The following TXNL4A variants were observed in gnomAD, a reference collection of about 807,000 sequenced individuals.
TXNL4A encodes thioredoxin-like protein 4A.
In TXNL4A, 17 loss-of-function variants were observed where a neutral mutation model predicts 14.6. That is an observed-to-expected ratio of 1.16 (90% CI 0.80 to 1.74). The LOEUF is 1.74. Ranked by LOEUF, TXNL4A falls within the 40% of genes most tolerant of loss-of-function variation. The pLI is 0.00. For synonymous variants in TXNL4A, 83 were observed against 70.6 expected, an observed-to-expected ratio of 1.18 and a Z score of -0.88; for missense variants, 74 against 195.2, an observed-to-expected ratio of 0.38 and a Z score of 3.70.
At chr18:80,012,226 T>A (rs2051774783) in intron 1 of TXNL4A, among the ~76,000 whole-genome samples, 1 of 152,224 alleles carries the variant, frequency 6.6e-6, no homozygotes, top group African/African-American at 2.4e-5. Flanking sequence ...GGCTACTGCA[T>A]GTCCTATTCC....
intron 1 of TXNL4A, among the ~76,000 whole-genome samples, chr18:79,984,697 C>G (rs556651558): frequency 6.6e-6 from 1 of 152,316 alleles, no homozygotes; most frequent in Admixed American, 6.5e-5. Flanking sequence ...CTTACTGCAG[C>G]CTTGACCTCC....
At chr18:79,996,436 C>G (rs2051662955) in intron 1 of TXNL4A, among the ~76,000 whole-genome samples, 1 of 152,134 alleles carries the variant, frequency 6.6e-6, no homozygotes, top group African/African-American at 2.4e-5. Context: ...AAGTCTAAAC[C>G]TAAACCTTAA....
rs747559896 is a variant in TXNL4A at position 79,973,643 on chromosome 18, A to G, written c.*42T>C. ...AAATAGCTTAAAACGTTTCCATACA[A>G]AAAGGGCTCCACGACATTTATCCGC... On this transcript the variant is annotated 3_prime_UTR_variant, in exon 3 of 3. Coordinates refer to ENST00000269601, the MANE Select transcript of TXNL4A (RefSeq NM_006701.5). 3 of 1,569,776 alleles carry G rather than the reference A, an allele frequency of 1.9e-6. No individual in the cohort carries two copies. The highest frequency in any genetic ancestry group is 2.3e-5 in the East Asian group (1 of 44,394).
chr18:80,014,420 C>T (rs762443778), intron 1 of TXNL4A, among the ~76,000 whole-genome samples: 1 of 152,124 alleles, frequency 6.6e-6, no homozygotes, highest in Non-Finnish European at 1.5e-5. Context: ...CTGGCCAAAA[C>T]AAAGGGGTTA....
intron 2 of TXNL4A, chr18:79,976,781 A>G (rs2051385937): frequency 2.2e-6 from 1 of 456,326 alleles, no homozygotes; most frequent in Non-Finnish European, 4.4e-6. Context: ...ACCAACCTCT[A>G]TGGTAACTAA....
intron 1 of TXNL4A, among the ~76,000 whole-genome samples, chr18:79,997,513 G>C (rs2051671084): frequency 6.6e-6 from 1 of 152,028 alleles, no homozygotes; most frequent in African/African-American, 2.4e-5. Flanking sequence ...ACTATACCCA[G>C]TACCAGCTAG....
At chr18:80,023,431 G>A (rs759801391) in intron 1 of TXNL4A, among the ~76,000 whole-genome samples, 14 of 152,264 alleles carry the variant, frequency 9.2e-5, no homozygotes, top group Non-Finnish European at 1.6e-4. Flanking sequence ...CAAACGTTAC[G>A]TAAAAACTCT....
At chr18:80,012,829 A>C (rs544175455) in intron 1 of TXNL4A, among the ~76,000 whole-genome samples, 1 of 152,018 alleles carries the variant, frequency 6.6e-6, no homozygotes, top group Admixed American at 6.6e-5. Flanking sequence ...ACTTCCATTA[A>C]ATTTTTTTTT....
At chr18:79,976,910 G>T (rs765514498) in intron 2 of TXNL4A, 8 of 368,812 alleles carry the variant, frequency 2.2e-5, no homozygotes, top group Non-Finnish European at 4.3e-5. Flanking sequence ...GTTCCTCTTG[G>T]ATATAAAAAA....
upstream of TXNL4A, among the ~76,000 whole-genome samples, chr18:79,989,439 A>G (rs1356145211): frequency 6.6e-6 from 1 of 152,182 alleles, no homozygotes; most frequent in Admixed American, 6.5e-5. Flanking sequence ...TAGCTTCAGC[A>G]TAACTTCCAC....
At chr18:79,995,305 G>A (rs2051653657) in intron 1 of TXNL4A, 1 of 152,220 alleles carries the variant, frequency 6.6e-6, no homozygotes, top group Non-Finnish European at 1.5e-5. Context: ...AAAGGCCCAG[G>A]AAGGCCAAAT....
intron 1 of TXNL4A, among the ~76,000 whole-genome samples, chr18:79,996,915 C>T (rs1250149447): frequency 6.6e-6 from 1 of 152,170 alleles, no homozygotes; most frequent in Admixed American, 6.5e-5. Flanking sequence ...TGCACTCCAG[C>T]CTGGGCGACA....
upstream of TXNL4A, among the ~76,000 whole-genome samples, chr18:79,991,951 T>C (rs1319548105): frequency 6.6e-6 from 1 of 152,194 alleles, no homozygotes; most frequent in Non-Finnish European, 1.5e-5. Flanking sequence ...TCAATCAATA[T>C]ATGTAAGAAG....
rs761538616 is a variant in TXNL4A at position 79,988,239 on chromosome 18, C to A, written c.153+1G>T. The A allele has an allele frequency of 6.5e-7, 1 of 1,538,278 alleles. No individual in the cohort carries two copies. Among genetic ancestry groups the A allele is most frequent in the Admixed American group, 1.7e-5 (1 of 57,798 alleles). ...CAGAGCGGGAGAGTCCGGCGCGCTA[C>A]CTTCTCGGCGATGCTGTACAGGACC... On this transcript the variant is annotated splice_donor_variant, in intron 1 of 2. Transcript: ENST00000269601. LOFTEE classifies it high-confidence loss of function.
At chr18:80,015,065 A>C (rs889678398) in intron 1 of TXNL4A, among the ~76,000 whole-genome samples, 6 of 152,218 alleles carry the variant, frequency 3.9e-5, no homozygotes, top group African/African-American at 1.4e-4. Flanking sequence ...GGCCGCACAC[A>C]GCAAGGGGAC....
At chr18:80,026,408 C>T (rs558011907) in intron 1 of TXNL4A, among the ~76,000 whole-genome samples, 1 of 152,184 alleles carries the variant, frequency 6.6e-6, no homozygotes, top group Admixed American at 6.5e-5. Flanking sequence ...AAAGAAAAGG[C>T]AGGAAAATGC....
intron 1 of TXNL4A, among the ~76,000 whole-genome samples, chr18:80,006,323 G>T (rs1312781138): frequency 6.6e-6 from 1 of 152,074 alleles, no homozygotes; most frequent in Non-Finnish European, 1.5e-5. Context: ...GGCAGAGGTT[G>T]CAGTGAGCCA....
At chr18:80,002,655 A>C (rs1371659317) in intron 1 of TXNL4A, among the ~76,000 whole-genome samples, 1 of 152,112 alleles carries the variant, frequency 6.6e-6, no homozygotes, top group Non-Finnish European at 1.5e-5. Context: ...TTAGTATGAA[A>C]ATGGATGGCA....
At chr18:79,989,805 G>C (rs1402965911), upstream of TXNL4A, among the ~76,000 whole-genome samples, 2 of 152,116 alleles carry the variant, frequency 1.3e-5, no homozygotes, top group Non-Finnish European at 1.5e-5. Flanking sequence ...GACCAGTCTG[G>C]CCAACATGGT....
Sources: allele counts gnomAD v4.1 joint callset (sites outside exome capture counted in the v4.1 genomes callset), GRCh38; gene constraint gnomAD v4.1.1; transcripts MANE v1.5; gene names NCBI Gene and HGNC (gene_info 2026-07-23, HGNC 2026-07-21).